The following SPATA16 variants were observed in gnomAD, a reference collection of about 807,000 sequenced individuals.
SPATA16 encodes spermatogenesis-associated protein 16.
In SPATA16, 36 loss-of-function variants were observed where a neutral mutation model predicts 63.3. The ratio of observed to expected loss-of-function variants is 0.57; its 90% CI spans 0.44 to 0.75. The LOEUF (loss-of-function observed/expected upper bound fraction) is 0.75. SPATA16 is among the 30% of genes least tolerant of loss of function. The pLI, the probability that SPATA16 is intolerant of heterozygous loss-of-function variation, is 0.00. For missense variants in SPATA16, 646 were observed against 679.3 expected, an observed-to-expected ratio of 0.95 and a Z score of 0.54; for synonymous variants, 203 against 216.7, an observed-to-expected ratio of 0.94 and a Z score of 0.56.
chr3:172,976,174 G>A (rs372265251), intron 5 of SPATA16, among the ~76,000 whole-genome samples: 4 of 152,098 alleles, frequency 2.6e-5, no homozygotes, highest in African/African-American at 9.7e-5. Context: ...TGGGTTTCAT[G>A]TGGTTCATGT....
intron 3 of SPATA16, among the ~76,000 whole-genome samples, chr3:173,027,090 A>C (rs1282450528): frequency 1.3e-5 from 2 of 151,908 alleles, no homozygotes; most frequent in South Asian, 2.1e-4. Context: ...AATTTCTTTC[A>C]TCAATGTTTT....
At chr3:173,117,818 A>G (rs1737950359) in intron 1 of SPATA16, 69 bp from the exon 2 acceptor site, 4 of 1,607,036 alleles carry the variant, frequency 2.5e-6, no homozygotes, top group Non-Finnish European at 3.4e-6. Context: ...GACTATAGTC[A>G]AATTCATTTT....
intron 4 of SPATA16, among the ~76,000 whole-genome samples, chr3:172,988,219 CT>C (rs1395458907): frequency 6.6e-6 from 1 of 152,140 alleles, no homozygotes; most frequent in East Asian, 1.9e-4. Flanking sequence ...CTACAAACAT[CT>C]GTTTTAAACC....
At chr3:173,137,426 C>G (rs35316945) in intron 1 of SPATA16, among the ~76,000 whole-genome samples, 89 of 152,170 alleles carry the variant, frequency 5.8e-4, no homozygotes, top group African/African-American at 2.1e-3. Context: ...ATCAGATGAC[C>G]ACGATGTTAG....
At chr3:172,920,839 T>C (rs1285306999) in intron 8 of SPATA16, among the ~76,000 whole-genome samples, 1 of 152,174 alleles carries the variant, frequency 6.6e-6, no homozygotes, top group Non-Finnish European at 1.5e-5. Context: ...TAATAAAACA[T>C]TGTGTAACTG....
At chr3:172,950,299 A>G (rs923170405) in intron 6 of SPATA16, among the ~76,000 whole-genome samples, 1 of 152,240 alleles carries the variant, frequency 6.6e-6, no homozygotes, top group African/African-American at 2.4e-5. Flanking sequence ...GAGCAATGCC[A>G]GAGCACCATA....
chr3:172,916,732 G>C (rs1264222343), intron 8 of SPATA16, among the ~76,000 whole-genome samples: 2 of 152,142 alleles, frequency 1.3e-5, no homozygotes, highest in African/African-American at 4.8e-5. Flanking sequence ...GCATTAGGGA[G>C]CTAGGCTGAG....
At chr3:172,980,351 T>C (rs1322347583) in intron 4 of SPATA16, among the ~76,000 whole-genome samples, 1 of 152,194 alleles carries the variant, frequency 6.6e-6, no homozygotes, top group Non-Finnish European at 1.5e-5. Context: ...TTCAGGTATC[T>C]CTCTACCATT....
intron 4 of SPATA16, among the ~76,000 whole-genome samples, chr3:172,986,100 G>A (rs1198999516): frequency 6.6e-6 from 1 of 152,134 alleles, no homozygotes; most frequent in African/African-American, 2.4e-5. Flanking sequence ...TCTGTATTTT[G>A]CTTTTTAGGT....
chr3:172,905,177 TAAGG>T (rs1256006141), intron 10 of SPATA16, among the ~76,000 whole-genome samples: 1 of 152,124 alleles, frequency 6.6e-6, no homozygotes, highest in Non-Finnish European at 1.5e-5. Flanking sequence ...GATATGCTAA[TAAGG>T]AAGCCCATAA....
At chr3:173,104,470 T>C (rs1367871954) in intron 2 of SPATA16, among the ~76,000 whole-genome samples, 1 of 152,208 alleles carries the variant, frequency 6.6e-6, no homozygotes, top group African/African-American at 2.4e-5. Flanking sequence ...AATATGGTGC[T>C]GGAATCTACT....
chr3:173,106,658 C>CT (rs1278435956), intron 2 of SPATA16, among the ~76,000 whole-genome samples: 1 of 152,158 alleles, frequency 6.6e-6, no homozygotes, highest in Non-Finnish European at 1.5e-5. Flanking sequence ...GAATCTCACT[C>CT]TATCTATCCA....
chr3:173,119,828 C>T (rs79263662), intron 1 of SPATA16, among the ~76,000 whole-genome samples: 2,806 of 152,228 alleles, frequency 0.018, 98 homozygotes, highest in African/African-American at 0.064. Context: ...GCTGGCCAGG[C>T]GCGATGGCTT....
At chr3:173,044,081 G>A (rs1310047524) in intron 3 of SPATA16, among the ~76,000 whole-genome samples, 2 of 151,942 alleles carry the variant, frequency 1.3e-5, no homozygotes, top group African/African-American at 4.8e-5. Flanking sequence ...AGATGCGATC[G>A]TCTTTGAATC....
chr3:173,074,512 T>C (rs1397196461), intron 2 of SPATA16, among the ~76,000 whole-genome samples: 1 of 152,198 alleles, frequency 6.6e-6, no homozygotes, highest in Non-Finnish European at 1.5e-5. Flanking sequence ...CTTGGTTCTC[T>C]CATTCTTTCT....
intron 4 of SPATA16, among the ~76,000 whole-genome samples, chr3:173,016,163 TA>T (rs1250822596): frequency 6.6e-6 from 1 of 152,212 alleles, no homozygotes; most frequent in African/African-American, 2.4e-5. Flanking sequence ...GCCTAAACCA[TA>T]ATAAAATATC....
At chr3:173,118,551 A>G (rs1259643422) in intron 1 of SPATA16, among the ~76,000 whole-genome samples, 1 of 152,234 alleles carries the variant, frequency 6.6e-6, no homozygotes, top group Non-Finnish European at 1.5e-5. Flanking sequence ...GTTCTAAGAT[A>G]TAATAATTAT....
chr3:172,911,113 C>G (rs760807332), intron 10 of SPATA16, among the ~76,000 whole-genome samples: 2 of 152,218 alleles, frequency 1.3e-5, no homozygotes, highest in Admixed American at 6.5e-5. Flanking sequence ...TTACTTCTGT[C>G]TGCTTTAGGG....
chr3:173,120,070 A>G (rs1167858644), intron 1 of SPATA16, among the ~76,000 whole-genome samples: 1 of 151,082 alleles, frequency 6.6e-6, no homozygotes, highest in Non-Finnish European at 1.5e-5. Flanking sequence ...CTAGGCAACA[A>G]GAGCGAAACT....
Sources: gnomAD v4.1 joint callset for allele counts (sites outside exome capture counted in the v4.1 genomes callset) on GRCh38, gnomAD v4.1.1 for gene constraint, MANE v1.5 for transcripts, NCBI Gene and HGNC (gene_info 2026-07-23, HGNC 2026-07-21) for gene names.